Variants in NTN5 observed in about 807,000 individuals in gnomAD.
NTN5 encodes the protein netrin-5.
In NTN5, 42 loss-of-function variants were observed where a neutral mutation model predicts 38.7. That is an observed-to-expected ratio of 1.08 (90% CI 0.85 to 1.40). NTN5 has a LOEUF of 1.40. NTN5 is among the 40% of genes most tolerant of loss of function. The probability of loss-of-function intolerance (pLI) is 0.00; values close to 1 mark genes in which losing one functional copy is unlikely to be tolerated. For synonymous variants in NTN5, 329 were observed against 303.9 expected (o/e 1.08, Z -0.86); for missense variants, 658 against 716.5 (o/e 0.92, Z 0.93).
chr19:48,668,480 C>A (rs560103630), intron 2 of NTN5, among the ~76,000 whole-genome samples: 1 of 152,316 alleles, frequency 6.6e-6, no homozygotes, highest in East Asian at 1.9e-4. Flanking sequence ...GGTCTCACAG[C>A]AGGTAAGCAG....
At chr19:48,671,194 G>A (rs966736051) in intron 1 of NTN5, among the ~76,000 whole-genome samples, 188 bp from the exon 2 acceptor site, 1 of 152,114 alleles carries the variant, frequency 6.6e-6, no homozygotes, top group Non-Finnish European at 1.5e-5. Flanking sequence ...GGGAAAGAAC[G>A]CAGACAAAAT....
chr19:48,671,248 T>G (rs2031955690), intron 1 of NTN5, among the ~76,000 whole-genome samples: 1 of 151,676 alleles, frequency 6.6e-6, no homozygotes, highest in African/African-American at 2.4e-5. Context: ...CACCCCAGAG[T>G]TATCCGTCAG....
intron 6 of NTN5, 61 bp from the exon 7 acceptor site, chr19:48,662,102 CGTGGG>C (rs1341450890): frequency 7.4e-7 from 1 of 1,351,498 alleles, no homozygotes; most frequent in Non-Finnish European, 9.5e-7. Flanking sequence ...CTCTGGGTCC[CGTGGG>C]GTCAGTCACA....
intron 6 of NTN5, chr19:48,662,900 A>G (rs1322815822): frequency 4.7e-6 from 1 of 213,676 alleles, no homozygotes; most frequent in Non-Finnish European, 9.6e-6. Flanking sequence ...TTCCTGAGGG[A>G]GAAGTCTGCG....
Position 48,661,685 on chromosome 19 carries a change from C to A in NTN5, c.1462G>T (p.Glu488Ter). The part of the protein sequence containing the change: ...VRAPTPSPRP[E>*]H ...GCAGCCCCATCTCACGTCTAGTGCT[C>A]CGGCCTGGGACTGGGTGTGGGTGCC... Residue 488 changes from glutamate to a stop codon, truncating the protein, a stop_gained, in exon 7 of 7, where the codon GAG becomes TAG. Coordinates refer to ENST00000270235, the MANE Select transcript of NTN5 (RefSeq NM_145807.4). LOFTEE classifies it high-confidence loss of function. The A allele has an allele frequency of 6.4e-7, 1 of 1,550,572 alleles. No homozygotes were observed. The highest frequency in any genetic ancestry group is 8.6e-7 in the Non-Finnish European group (1 of 1,159,068).
Position 48,670,413 on chromosome 19 carries a change from A to G in NTN5, c.574T>C (p.Ser192Pro). The G allele has an allele frequency of 6.9e-7, 1 of 1,442,698 alleles. No individual in the cohort carries two copies. Among genetic ancestry groups the G allele is most frequent in the South Asian group, 1.5e-5 (1 of 67,024 alleles). 89.4% of individuals were successfully genotyped at this position (1,442,698 alleles called of 1,614,324 possible). The change falls in exon 2 of 7, where the codon TCC becomes CCC. Residue 192 changes from serine to proline, a missense_variant. Transcript: ENST00000270235. ...GGCCGCCAGGGCCAGTCTCGATGGGACGGGCGGCAGCTCTCGCACCCCGGG... is the reference window on the plus strand; with the variant it reads ...GGCCGCCAGGGCCAGTCTCGATGGGGCGGGCGGCAGCTCTCGCACCCCGGG... ...TGPGCESCRP[S>P]HRDWPWRPAT... is the part of the protein sequence containing the mutation.
chr19:48,667,312 C>T (rs1267409768), intron 2 of NTN5: 1 of 298,748 alleles, frequency 3.3e-6, no homozygotes, highest in Non-Finnish European at 7.1e-6. Flanking sequence ...CCACCCTGAC[C>T]TTTCTCCACT....
chr19:48,670,435 CG>C lies in NTN5; in HGVS notation c.551del (p.Pro184ArgfsTer115). 6.8e-7 allele frequency: 1 copy of C among 1,461,328 alleles called. No individual in the cohort carries two copies. Among genetic ancestry groups the C allele is most frequent in the Non-Finnish European group, 9.0e-7 (1 of 1,108,350 alleles). The allele number at this position is 1,461,328 out of a possible 1,614,324, so 90.5% of individuals were successfully genotyped here. On this transcript the variant is annotated frameshift_variant, in exon 2 of 7. Coordinates refer to ENST00000270235, the MANE Select transcript of NTN5 (RefSeq NM_145807.4). LOFTEE classifies it high-confidence loss of function. ...RCHCRHHTTG[P>X]GCESCRPSHR... ...GGGACGGGCGGCAGCTCTCGCACCC[CG>C]GGCCAGTGGTATGGTGGCGGCAGTG...
chr19:48,670,284 C>T, intron 2 of NTN5, 72 bp downstream of exon 2: 4 of 1,336,600 alleles, frequency 3.0e-6, no homozygotes, highest in South Asian at 1.9e-5. Context: ...AGGGAACATC[C>T]TGCTCCCGTA....
At chr19:48,672,156 G>A (rs2031979201) in intron 1 of NTN5, among the ~76,000 whole-genome samples, 1 of 152,160 alleles carries the variant, frequency 6.6e-6, no homozygotes, top group African/African-American at 2.4e-5. Context: ...GGGGGCGGTG[G>A]GTAATGAGGA....
At chr19:48,663,049 G>A in intron 6 of NTN5, 1 of 373,440 alleles carries the variant, frequency 2.7e-6, no homozygotes, top group South Asian at 2.0e-5. Flanking sequence ...GGGGATTAGG[G>A]AACCGTGGGA....
At position 48,673,002 on chromosome 19, in the gene NTN5, G is replaced by A; in HGVS notation, c.-91C>T. On this transcript the variant is annotated 5_prime_UTR_variant, in exon 1 of 7. Coordinates refer to ENST00000270235, the MANE Select transcript of NTN5 (RefSeq NM_145807.4). Reference sequence around the variant, plus strand: ...CTTCCTCCAAGCTGTGGCGCGGTGGGCTCTCAGGAGGGAGTGGCGTGGCTG... The same window carrying A: ...CTTCCTCCAAGCTGTGGCGCGGTGGACTCTCAGGAGGGAGTGGCGTGGCTG... 1 of 324,146 alleles carries A rather than the reference G, an allele frequency of 3.1e-6. No homozygotes were observed. The highest frequency in any genetic ancestry group is 9.4e-5 in the East Asian group (1 of 10,598). 20.1% of individuals were successfully genotyped at this position (324,146 alleles called of 1,614,324 possible).
Position 48,663,782 on chromosome 19 carries a change from T to A in NTN5, c.1003A>T (p.Thr335Ser). 1 of 1,613,954 alleles carries A rather than the reference T, an allele frequency of 6.2e-7. No individual in the cohort carries two copies. Among genetic ancestry groups the A allele is most frequent in the South Asian group, 1.1e-5 (1 of 91,078 alleles). ...TTACCAGAGCTATAAGCACCAGGAG[T>A]AGTGGCAAGGGTGGTTGTTGCCTCT... ...IPEATTTLAT[T>S]PGAYSSDPQC... Residue 335 changes from threonine (T) to serine (S), a missense_variant, in exon 5 of 7, where the codon ACT (threonine) becomes TCT (serine). By Grantham distance (58) the Thr-to-Ser change is moderately conservative (BLOSUM62 1). Coordinates refer to ENST00000270235, the MANE Select transcript of NTN5 (RefSeq NM_145807.4).
chr19:48,663,487 G>A lies in NTN5; in HGVS notation c.1081C>T (p.Arg361Trp), dbSNP rs562191716. ...MSDTRVHMSL[R>W]RYCQQDHVLR... ...CCATGGTCCTGCTGGCAGTACCTCC[G>A]AAGGCTCATGTGTACCCTGGTGTCC... Residue 361 changes from arginine to tryptophan, a missense_variant, in exon 6 of 7, where the codon CGG (arginine) becomes TGG (tryptophan). Transcript: ENST00000270235. 10 of 1,614,022 alleles carry A rather than the reference G, an allele frequency of 6.2e-6. No individual in the cohort carries two copies. Among genetic ancestry groups the A allele is most frequent in the South Asian group, 3.3e-5 (3 of 91,082 alleles).
intron 2 of NTN5, among the ~76,000 whole-genome samples, chr19:48,665,974 T>C (rs976415081): frequency 6.6e-6 from 1 of 152,196 alleles, no homozygotes; most frequent in African/African-American, 2.4e-5. Flanking sequence ...ACTTGAGGCT[T>C]AAATGAGATA....
intron 2 of NTN5, among the ~76,000 whole-genome samples, chr19:48,667,996 C>A (rs976348792): frequency 6.6e-6 from 1 of 152,144 alleles, no homozygotes; most frequent in Non-Finnish European, 1.5e-5. Context: ...GACCCTGTAC[C>A]AAGTGTCTCA....
chr19:48,668,492 G>A (rs527261893), intron 2 of NTN5, among the ~76,000 whole-genome samples: 11 of 152,292 alleles, frequency 7.2e-5, no homozygotes, highest in Admixed American at 5.9e-4. Context: ...GGTAAGCAGA[G>A]GAGCTGGGAT....
At chr19:48,665,929 G>A (rs919475235) in intron 2 of NTN5, among the ~76,000 whole-genome samples, 2 of 151,234 alleles carry the variant, frequency 1.3e-5, no homozygotes, top group African/African-American at 2.5e-5. Context: ...CCCTTCTGTA[G>A]TTTGATTGGC....
chr19:48,661,762 G>A lies in NTN5; in HGVS notation c.1385C>T (p.Pro462Leu). Residue 462 changes from proline (P) to leucine (L), a missense_variant, in exon 7 of 7, where the codon CCC becomes CTC. Coordinates refer to ENST00000270235, the MANE Select transcript of NTN5 (RefSeq NM_145807.4). ...CTCCTCCTGCTGCAGCCGCTTCAGG[G>A]GCCGGGCCCAGCGCGGCCTCCATGG... ...ALPWRPRWAR[P>L]LKRLQQEERA... 2 of 1,493,364 alleles carry A rather than the reference G, an allele frequency of 1.3e-6. No homozygotes were observed. The highest frequency in any genetic ancestry group is 1.8e-6 in the Non-Finnish European group (2 of 1,132,552). 92.5% of individuals were successfully genotyped at this position (1,493,364 alleles called of 1,614,324 possible).
Sources: allele counts gnomAD v4.1 joint callset (sites outside exome capture counted in the v4.1 genomes callset), GRCh38; gene constraint gnomAD v4.1.1; transcripts MANE v1.5; gene names NCBI Gene and HGNC (gene_info 2026-07-23, HGNC 2026-07-21).